Variants in KIRREL1 observed in about 807,000 individuals in gnomAD.
KIRREL1 encodes kirre like nephrin family adhesion molecule 1.
A neutral mutation model predicts 83.3 loss-of-function variants in KIRREL1; 25 were observed. That is an observed-to-expected ratio of 0.30 (90% CI 0.22 to 0.42). KIRREL1 has a LOEUF of 0.42. KIRREL1 is among the 10% of genes least tolerant of loss of function. KIRREL1 has a pLI of 1.00. For missense variants in KIRREL1, 812 were observed against 1,032.3 expected (o/e 0.79, Z 2.92); for synonymous variants, 388 against 410.4 (o/e 0.95, Z 0.66).
intron 1 of KIRREL1, among the ~76,000 whole-genome samples, chr1:158,061,743 C>T (rs1402942183): frequency 6.6e-6 from 1 of 152,116 alleles, no homozygotes; most frequent in Non-Finnish European, 1.5e-5. Flanking sequence ...GAGACAGGCT[C>T]ATGTGGGAGG....
intron 1 of KIRREL1, among the ~76,000 whole-genome samples, chr1:158,007,963 C>A (rs1888821): frequency 0.092 from 14,026 of 152,112 alleles, 1,145 homozygotes; most frequent in Admixed American, 0.27. Flanking sequence ...AGCTAACTCT[C>A]GATAAAGATT....
intron 1 of KIRREL1, among the ~76,000 whole-genome samples, chr1:158,016,549 A>G (rs572799627): frequency 6.6e-6 from 1 of 152,152 alleles, no homozygotes; most frequent in East Asian, 1.9e-4. Context: ...TTTTCTTTTT[A>G]ACTTTGGGAT....
At chr1:158,019,710 G>A (rs1274160812) in intron 1 of KIRREL1, among the ~76,000 whole-genome samples, 2 of 152,132 alleles carry the variant, frequency 1.3e-5, no homozygotes, top group Non-Finnish European at 1.5e-5. Context: ...CAGGCTTGTA[G>A]GATCATTGCT....
chr1:158,059,385 C>G (rs1041329730), intron 1 of KIRREL1, among the ~76,000 whole-genome samples: 1 of 152,138 alleles, frequency 6.6e-6, no homozygotes, highest in Non-Finnish European at 1.5e-5. Flanking sequence ...TAGGGGAGAA[C>G]GCTCTGGGTG....
chr1:158,094,693 C>T lies in KIRREL1; in HGVS notation c.1847C>T (p.Ser616Phe). ...GTGCGTGCCCATGAAGACCGCCCGT[C>T]TTCCAGGGCAGTGCTCTATGCTGAC... ...YNVRAHEDRP[S>F]SRAVLYADYR... is the part of the protein sequence containing the mutation. Residue 616 changes from serine to phenylalanine, a missense_variant, in exon 15 of 15, where the codon TCT becomes TTT. Physicochemically the swap from Ser to Phe is radical, Grantham distance 155. Around this residue, in one of 3 missense-constraint regions of KIRREL1, gnomAD observed 334 missense variants for 383.7 expected, o/e 0.87. Coordinates refer to ENST00000359209, the MANE Select transcript of KIRREL1 (RefSeq NM_018240.7). This position sits in a 1 kb window ranked among gnomAD's most constrained non-coding sequence, Gnocchi z 4.6. 2 of 1,611,404 alleles carry T rather than the reference C, an allele frequency of 1.2e-6. No homozygotes were observed. Among genetic ancestry groups the T allele is most frequent in the Non-Finnish European group, 1.7e-6 (2 of 1,179,818 alleles).
chr1:158,042,288 G>T (rs963671836), intron 1 of KIRREL1, among the ~76,000 whole-genome samples: 1 of 151,734 alleles, frequency 6.6e-6, no homozygotes, highest in African/African-American at 2.4e-5. Flanking sequence ...GTTTCCAGGT[G>T]AACGTGCAGG....
At chr1:158,024,937 T>C (rs953761469) in intron 1 of KIRREL1, among the ~76,000 whole-genome samples, 1 of 152,192 alleles carries the variant, frequency 6.6e-6, no homozygotes, top group Non-Finnish European at 1.5e-5. Context: ...AGATCCTCCC[T>C]TCCGATTTCT....
chr1:158,001,752 A>G (rs11577436), intron 1 of KIRREL1, among the ~76,000 whole-genome samples: 2,945 of 152,248 alleles, frequency 0.019, 36 homozygotes, highest in Middle Eastern at 0.037. Context: ...AGTTGGACTG[A>G]GGATTTGGGT....
At chr1:158,092,440 C>T (rs185611988) in intron 11 of KIRREL1, among the ~76,000 whole-genome samples, 5 of 146,742 alleles carry the variant, frequency 3.4e-5, no homozygotes, top group South Asian at 4.3e-4. Flanking sequence ...CTGTGCCTTC[C>T]GGGTTCAAAT....
At chr1:158,065,684 C>T (rs1558008452) in intron 1 of KIRREL1, among the ~76,000 whole-genome samples, 2 of 152,144 alleles carry the variant, frequency 1.3e-5, no homozygotes, top group African/African-American at 4.8e-5. Context: ...ATTCTCTTCT[C>T]TCCCTCCTTG....
intron 1 of KIRREL1, among the ~76,000 whole-genome samples, chr1:158,024,168 C>G (rs976959393): frequency 1.3e-5 from 2 of 151,896 alleles, no homozygotes; most frequent in African/African-American, 4.8e-5. Flanking sequence ...AGGCTAGTCT[C>G]GAACTCCTGA....
chr1:158,065,452 A>T (rs1050719689), intron 1 of KIRREL1, among the ~76,000 whole-genome samples: 2 of 152,086 alleles, frequency 1.3e-5, no homozygotes, highest in Non-Finnish European at 2.9e-5. Flanking sequence ...AAAAGAAGGG[A>T]ATAGGGTTAG....
intron 1 of KIRREL1, among the ~76,000 whole-genome samples, chr1:158,053,253 G>A (rs1384711170): frequency 6.6e-6 from 1 of 152,162 alleles, no homozygotes; most frequent in Admixed American, 6.5e-5. Context: ...CCCCAGTACA[G>A]CACCTGACAC....
chr1:158,081,883 G>C (rs544684613), intron 3 of KIRREL1, among the ~76,000 whole-genome samples: 4 of 152,180 alleles, frequency 2.6e-5, no homozygotes, highest in African/African-American at 4.8e-5. Context: ...TCCCAGCGGA[G>C]GGGCTTCACA....
intron 1 of KIRREL1, among the ~76,000 whole-genome samples, chr1:158,058,296 A>G (rs991752513): frequency 2.0e-5 from 3 of 152,120 alleles, no homozygotes; most frequent in East Asian, 1.9e-4. Flanking sequence ...TAGGAAGACA[A>G]TTCCTCACCA....
intron 1 of KIRREL1, among the ~76,000 whole-genome samples, chr1:158,012,224 T>C (rs1408771311): frequency 6.6e-6 from 1 of 152,160 alleles, no homozygotes; most frequent in African/African-American, 2.4e-5. Flanking sequence ...AGACATGTGC[T>C]TTTTTGGGGC....
intron 4 of KIRREL1, among the ~76,000 whole-genome samples, chr1:158,086,259 C>G (rs1185375583): frequency 6.6e-6 from 1 of 152,132 alleles, no homozygotes. Flanking sequence ...AAAAGATAGT[C>G]TGTGATGTGG....
chr1:158,020,950 G>A (rs1925038), intron 1 of KIRREL1, among the ~76,000 whole-genome samples: 120,089 of 152,160 alleles, frequency 0.79, 49,076 homozygotes, highest in Non-Finnish European at 0.89. Context: ...TTACAGGGCC[G>A]CTGGATTTAT....
chr1:158,073,651 T>C (rs1475745995), intron 1 of KIRREL1, among the ~76,000 whole-genome samples: 1 of 152,196 alleles, frequency 6.6e-6, no homozygotes, highest in African/African-American at 2.4e-5. Context: ...CAGAGGGATT[T>C]GGCGTTCCTC....
Sources: gnomAD v4.1 joint callset for allele counts (sites outside exome capture counted in the v4.1 genomes callset) on GRCh38, gnomAD v4.1.1 for gene constraint, gnomAD v4.1.1 regional missense constraint, Gnocchi (gnomAD v3.1) non-coding constraint, MANE v1.5 for transcripts, NCBI Gene and HGNC (gene_info 2026-07-23, HGNC 2026-07-21) for gene names.